Variants in RPS6KC1 observed in about 807,000 individuals in gnomAD.
RPS6KC1 encodes the protein inactive ribosomal protein S6 kinase delta-1.
In RPS6KC1, 54 loss-of-function variants were observed where a neutral mutation model predicts 103.8. That is an observed-to-expected ratio of 0.52 (90% confidence interval 0.42 to 0.65). The LOEUF (loss-of-function observed/expected upper bound fraction) is 0.65. RPS6KC1 is among the 30% of genes least tolerant of loss of function. The pLI, the probability that RPS6KC1 is intolerant of heterozygous loss-of-function variation, is 0.00. For missense variants in RPS6KC1, 1,151 were observed against 1,253.8 expected, an observed-to-expected ratio of 0.92 and a Z score of 1.24; for synonymous variants, 439 against 438.7, an observed-to-expected ratio of 1.00 and a Z score of -0.01.
the RPS6KC1 span, among the ~76,000 whole-genome samples, chr1:213,759,899 C>A: frequency 6.6e-6 from 1 of 152,220 alleles, no homozygotes; most frequent in Non-Finnish European, 1.5e-5. Context: ...CAATGCACTC[C>A]CAGTAAATTC....
At chr1:213,256,030 T>C (rs1473350286) in intron 12 of RPS6KC1, among the ~76,000 whole-genome samples, 4 of 151,344 alleles carry the variant, frequency 2.6e-5, no homozygotes, top group Non-Finnish European at 4.4e-5. Flanking sequence ...TTCAATGTCT[T>C]CTTTTCTGGT....
Position 213,241,618 on chromosome 1 carries a change from A to G in RPS6KC1, c.2142A>G (p.Thr714=). 6.2e-7 allele frequency: 1 copy of G among 1,613,936 alleles called. No homozygotes were observed. The highest frequency in any genetic ancestry group is 1.7e-5 in the Admixed American group (1 of 59,950). The change falls in exon 11 of 15, where the codon ACA becomes ACG. Residue 714 remains threonine (T), a synonymous_variant. Transcript: ENST00000366960. ...CAGCAATGGGACCTACTAAGTTTAC[A>G]CAAACTAATATAGGGATAATAGAAA... ...EAAAMGPTKF[T]QTNIGIIENK...
chr1:213,598,438 C>T, the RPS6KC1 span, among the ~76,000 whole-genome samples: 1 of 152,074 alleles, frequency 6.6e-6, no homozygotes, highest in South Asian at 2.1e-4. Flanking sequence ...ATCTATGTGA[C>T]CTGGGAAAAG....
rs1399498856 is a variant in RPS6KC1 at position 213,151,339 on chromosome 1, C to CG, written c.836-16513dup. On this transcript the variant is annotated intron_variant, in intron 6 of 14. Transcript: ENST00000366960. ...CTCCCGGACGGGGCGGCTGGCCGGG[C>CG]GGGGGGCTAACCCCCCCACCTCCCT... Among the ~76,000 whole-genome samples the CG allele has an allele frequency of 4.3e-3, 536 of 123,428 alleles. 4 individuals are homozygous for CG. The highest frequency in any genetic ancestry group is 0.016 in the African/African-American group (481 of 29,460). 81.0% of individuals were successfully genotyped at this position (123,428 alleles called of 152,430 possible).
At chr1:213,312,130 CA>C in the RPS6KC1 span, among the ~76,000 whole-genome samples, 8 of 152,032 alleles carry the variant, frequency 5.3e-5, no homozygotes, top group Non-Finnish European at 1.0e-4. Flanking sequence ...CTCCTGACCT[CA>C]AGCAGGCCAC....
At chr1:213,562,722 G>A in the RPS6KC1 span, among the ~76,000 whole-genome samples, 1 of 151,978 alleles carries the variant, frequency 6.6e-6, no homozygotes, top group Non-Finnish European at 1.5e-5. Flanking sequence ...CAGGTGCAGT[G>A]GTGTAATGAG....
the RPS6KC1 span, among the ~76,000 whole-genome samples, chr1:213,510,902 T>C: frequency 5.3e-4 from 80 of 152,242 alleles, no homozygotes; most frequent in African/African-American, 1.7e-3. Context: ...CATAGGGAAT[T>C]AATAAACACT....
At chr1:213,683,513 T>A in the RPS6KC1 span, among the ~76,000 whole-genome samples, 1 of 152,160 alleles carries the variant, frequency 6.6e-6, no homozygotes, top group African/African-American at 2.4e-5. Context: ...CCCCCCAGCC[T>A]GCCCAGCACC....
chr1:213,261,458 C>T (rs2094793953), intron 12 of RPS6KC1, 100 bp from the exon 13 acceptor site: 1 of 1,021,856 alleles, frequency 9.8e-7, no homozygotes, highest in Non-Finnish European at 1.5e-6. Context: ...TTAGTATATG[C>T]TCTCTCAGCA....
the RPS6KC1 span, among the ~76,000 whole-genome samples, chr1:213,502,814 C>T: frequency 2.0e-5 from 3 of 152,072 alleles, no homozygotes; most frequent in African/African-American, 7.2e-5. Context: ...TTATTTTGTT[C>T]TGTTCTACTC....
intron 6 of RPS6KC1, among the ~76,000 whole-genome samples, chr1:213,153,908 G>T: frequency 6.6e-6 from 1 of 152,064 alleles, no homozygotes; most frequent in East Asian, 1.9e-4. Flanking sequence ...TTCTTGGGAA[G>T]GCTTTCCAGA....
At chr1:213,133,481 G>T (rs2085892096) in intron 6 of RPS6KC1, among the ~76,000 whole-genome samples, 1 of 152,042 alleles carries the variant, frequency 6.6e-6, no homozygotes, top group African/African-American at 2.4e-5. Flanking sequence ...CTTTGTCTAA[G>T]GACACCAAAA....
At chr1:213,164,520 A>G (rs986374598) in intron 6 of RPS6KC1, among the ~76,000 whole-genome samples, 1 of 152,236 alleles carries the variant, frequency 6.6e-6, no homozygotes, top group Non-Finnish European at 1.5e-5. Context: ...ACTTTTTAAC[A>G]TAAAGGTTAT....
chr1:213,570,333 A>G, the RPS6KC1 span, among the ~76,000 whole-genome samples: 1 of 152,164 alleles, frequency 6.6e-6, no homozygotes, highest in Admixed American at 6.5e-5. Flanking sequence ...TCAAAAAAGG[A>G]AAGAGTTGGG....
At chr1:213,109,254 A>G (rs555114537) in intron 4 of RPS6KC1, among the ~76,000 whole-genome samples, 12 of 152,210 alleles carry the variant, frequency 7.9e-5, no homozygotes, top group Admixed American at 7.8e-4. Context: ...CTCCTGCTTC[A>G]GCCTCCTGGT....
chr1:213,652,048 CTA>C, the RPS6KC1 span, among the ~76,000 whole-genome samples: 3 of 152,004 alleles, frequency 2.0e-5, no homozygotes, highest in Non-Finnish European at 4.4e-5. Flanking sequence ...TTAATTTGTG[CTA>C]TTTGTGTAAA....
chr1:213,797,500 G>T, the RPS6KC1 span, among the ~76,000 whole-genome samples: 2 of 152,164 alleles, frequency 1.3e-5, no homozygotes. Flanking sequence ...TTTAACTTTA[G>T]TGTACACTAT....
At chr1:213,531,126 T>C in the RPS6KC1 span, among the ~76,000 whole-genome samples, 110 of 152,252 alleles carry the variant, frequency 7.2e-4, no homozygotes, top group African/African-American at 2.5e-3. Flanking sequence ...GGCATTGACA[T>C]GGTAATGCAG....
chr1:213,494,327 G>A, the RPS6KC1 span, among the ~76,000 whole-genome samples: 1 of 152,058 alleles, frequency 6.6e-6, no homozygotes, highest in Non-Finnish European at 1.5e-5. Flanking sequence ...AATTATCAAT[G>A]TCAGATCCAG....
Sources: allele counts gnomAD v4.1 joint callset (sites outside exome capture counted in the v4.1 genomes callset), GRCh38; gene constraint gnomAD v4.1.1; transcripts MANE v1.5; gene names NCBI Gene and HGNC (gene_info 2026-07-23, HGNC 2026-07-21).